Variants in PDE3B observed in about 807,000 individuals in gnomAD.
PDE3B encodes the protein phosphodiesterase 3B, also known as cGMP-inhibited 3',5'-cyclic phosphodiesterase 3B.
A neutral mutation model predicts 116.8 loss-of-function variants in PDE3B; 66 were observed. The observed-to-expected ratio is 0.56, with a 90% confidence interval of 0.46 to 0.69. The LOEUF (loss-of-function observed/expected upper bound fraction) is 0.69, where lower values mean the gene tolerates loss of function less well. Among genes scored for constraint, PDE3B ranks in the 30% least tolerant of loss-of-function variants. PDE3B has a pLI of 0.00. For synonymous variants in PDE3B, 595 were observed against 533.6 expected, an observed-to-expected ratio of 1.12 and a Z score of -1.59; for missense variants, 1,384 against 1,368.1, an observed-to-expected ratio of 1.01 and a Z score of -0.18.
chr11:14,644,166 TA>T lies in PDE3B; in HGVS notation c.92del (p.Tyr31SerfsTer2). The T allele has an allele frequency of 6.3e-7, 1 of 1,595,158 alleles. No homozygotes were observed. The highest frequency in any genetic ancestry group is 8.5e-7 in the Non-Finnish European group (1 of 1,177,554). On this transcript the variant is annotated frameshift_variant, in exon 1 of 16. Coordinates refer to ENST00000282096, the MANE Select transcript of PDE3B (RefSeq NM_000922.4). LOFTEE classifies it high-confidence loss of function. Reference sequence around the variant, plus strand: ...GCCCCCCGAGAGTCTGAGGAACGGCTACGTGAAGAGCTGCGTGAGCCCCTTG... The same window carrying T: ...GCCCCCCGAGAGTCTGAGGAACGGCTCGTGAAGAGCTGCGTGAGCCCCTTG... Reference protein sequence around the residue: ...GSPPESLRNGYVKSCVSPLRQ... With the variant: ...GSPPESLRNGXVKSCVSPLRQ...
At chr11:14,669,582 T>G (rs1854302964) in intron 1 of PDE3B, among the ~76,000 whole-genome samples, 1 of 152,112 alleles carries the variant, frequency 6.6e-6, no homozygotes, top group Non-Finnish European at 1.5e-5. Flanking sequence ...GTCATTTACA[T>G]TAAGTATTCC....
chr11:14,645,360 A>G (rs1853370220), intron 1 of PDE3B, among the ~76,000 whole-genome samples: 1 of 152,140 alleles, frequency 6.6e-6, no homozygotes, highest in South Asian at 2.1e-4. Context: ...AATGAGGTGA[A>G]TCATTTGTGG....
At chr11:14,747,557 A>T (rs562545394) in intron 1 of PDE3B, among the ~76,000 whole-genome samples, 13 of 152,292 alleles carry the variant, frequency 8.5e-5, no homozygotes, top group African/African-American at 2.2e-4. Context: ...ACTCCAGGGG[A>T]TAGGGACAAA....
chr11:14,664,788 C>A (rs1218910356), intron 1 of PDE3B, among the ~76,000 whole-genome samples: 2 of 152,148 alleles, frequency 1.3e-5, no homozygotes, highest in African/African-American at 2.4e-5. Context: ...GCTTACCAAC[C>A]AAAAAGAGTC....
intron 1 of PDE3B, among the ~76,000 whole-genome samples, chr11:14,711,632 T>G (rs891584279): frequency 2.0e-5 from 3 of 152,064 alleles, no homozygotes; most frequent in Admixed American, 6.5e-5. Flanking sequence ...AACTCACTCA[T>G]TATTGCAAGG....
At chr11:14,778,699 C>A (rs576940664) in intron 2 of PDE3B, among the ~76,000 whole-genome samples, 4 of 152,310 alleles carry the variant, frequency 2.6e-5, no homozygotes, top group South Asian at 2.1e-4. Context: ...GTAGATAAAA[C>A]CACAAAGATG....
chr11:14,828,597 A>G (rs1225495140), intron 7 of PDE3B, among the ~76,000 whole-genome samples: 1 of 152,234 alleles, frequency 6.6e-6, no homozygotes, highest in Non-Finnish European at 1.5e-5. Flanking sequence ...ATGCAAGTCA[A>G]AACCACAATG....
chr11:14,707,703 C>T (rs1855574177), intron 1 of PDE3B, among the ~76,000 whole-genome samples: 1 of 151,978 alleles, frequency 6.6e-6, no homozygotes, highest in Non-Finnish European at 1.5e-5. Flanking sequence ...ACTACTCTTT[C>T]CCTCCCATTA....
chr11:14,879,427 C>A, the PDE3B span: 2 of 1,602,650 alleles, frequency 1.2e-6, no homozygotes, highest in African/African-American at 1.3e-5. Flanking sequence ...TTAAATCAAT[C>A]TCTTTCTGAA....
intron 1 of PDE3B, among the ~76,000 whole-genome samples, chr11:14,661,185 T>C (rs949897097): frequency 2.6e-5 from 4 of 152,208 alleles, no homozygotes; most frequent in Admixed American, 6.5e-5. Context: ...ACCCAAAGGA[T>C]TATAAATCAT....
rs995285976 is a variant in PDE3B at position 14,806,447 on chromosome 11, C to CA, written c.1522+2410dup. On this transcript the variant is annotated intron_variant, in intron 5 of 15. Coordinates refer to ENST00000282096, the MANE Select transcript of PDE3B (RefSeq NM_000922.4). ...TGGGTGACAGAGCAAGACTCTGTCTCAAAAAAAAAAAAATCATGCTACTAT... is the reference window on the plus strand; with the variant it reads ...TGGGTGACAGAGCAAGACTCTGTCTCAAAAAAAAAAAAAATCATGCTACTAT... Among the ~76,000 whole-genome samples the CA allele has an allele frequency of 5.2e-3, 678 of 130,764 alleles. 2 individuals are homozygous for CA. Among genetic ancestry groups the CA allele is most frequent in the Non-Finnish European group, 6.6e-3 (400 of 60,538 alleles). 85.8% of individuals were successfully genotyped at this position (130,764 alleles called of 152,430 possible).
chr11:14,811,891 C>T (rs976499462), intron 5 of PDE3B, among the ~76,000 whole-genome samples: 39 of 152,250 alleles, frequency 2.6e-4, no homozygotes, highest in African/African-American at 7.7e-4. Context: ...GTATTTTATT[C>T]TCTTTGAAGC....
intron 1 of PDE3B, among the ~76,000 whole-genome samples, chr11:14,704,593 C>T (rs910485684): frequency 6.6e-6 from 1 of 151,604 alleles, no homozygotes; most frequent in African/African-American, 2.4e-5. Context: ...GGACAATAGA[C>T]CCACACATAC....
intron 4 of PDE3B, among the ~76,000 whole-genome samples, chr11:14,802,338 A>G (rs1389451211): frequency 7.9e-5 from 12 of 152,194 alleles, no homozygotes; most frequent in Admixed American, 6.5e-5. Context: ...AAAGCGTAGT[A>G]TCTGGGCTGG....
intron 1 of PDE3B, among the ~76,000 whole-genome samples, chr11:14,757,754 G>T (rs1301047414): frequency 6.7e-6 from 1 of 150,156 alleles, no homozygotes; most frequent in Non-Finnish European, 1.5e-5. Flanking sequence ...TTTGTAGGGT[G>T]CCTGTTCACT....
At position 14,786,431 on chromosome 11, in the gene PDE3B, T is replaced by G. The variant is rs1299512581; in HGVS notation, c.1030-6T>G. 1 of 1,607,556 alleles carries G rather than the reference T, an allele frequency of 6.2e-7. No homozygotes were observed. Among genetic ancestry groups the G allele is most frequent in the Admixed American group, 1.7e-5 (1 of 59,476 alleles). Reference sequence around the variant, plus strand: ...TGAATGAAAATTTCACTTTTTTTCTTTCTAGAATTCTGGAGGTGGAAATGG... The same window carrying G: ...TGAATGAAAATTTCACTTTTTTTCTGTCTAGAATTCTGGAGGTGGAAATGG... On this transcript the variant is annotated splice_polypyrimidine_tract_variant and splice_region_variant and intron_variant, in intron 2 of 15. Coordinates refer to ENST00000282096, the MANE Select transcript of PDE3B (RefSeq NM_000922.4).
chr11:14,855,647 A>AAGAG (rs147471498), intron 12 of PDE3B, among the ~76,000 whole-genome samples: 1 of 149,998 alleles, frequency 6.7e-6, no homozygotes, highest in Non-Finnish European at 1.5e-5. Flanking sequence ...GTGTGTGAGC[A>AAGAG]AGAGAGAGAG....
At chr11:14,747,382 T>G (rs1005365488) in intron 1 of PDE3B, among the ~76,000 whole-genome samples, 2 of 152,170 alleles carry the variant, frequency 1.3e-5, no homozygotes, top group African/African-American at 4.8e-5. Flanking sequence ...CACTTTTGAC[T>G]AGACTTACAC....
rs1218368123 is a variant in PDE3B, at chr11:14,644,496, C to G, written c.421C>G (p.Arg141Gly). 9 of 1,611,872 alleles carry G rather than the reference C, an allele frequency of 5.6e-6. No individual in the cohort carries two copies. Among genetic ancestry groups the G allele is most frequent in the South Asian group, 1.1e-5 (1 of 90,856 alleles). ...CACCTGCTTCCTCACCCGGACCAAG[C>G]GGGGACCCGGCCCGGGCCGGAGCTG... Reference protein sequence around the residue: ...FLTCFLTRTKRGPGPGRSCGS... With the variant: ...FLTCFLTRTKGGPGPGRSCGS... The change falls in exon 1 of 16, where the codon CGG (arginine) becomes GGG (glycine). Residue 141 changes from arginine (R) to glycine (G), a missense_variant. By Grantham distance (125) the Arg-to-Gly change is moderately radical (BLOSUM62 -2). Coordinates refer to ENST00000282096, the MANE Select transcript of PDE3B (RefSeq NM_000922.4).
Sources: allele counts gnomAD v4.1 joint callset (sites outside exome capture counted in the v4.1 genomes callset), GRCh38; gene constraint gnomAD v4.1.1; transcripts MANE v1.5; gene names NCBI Gene and HGNC (gene_info 2026-07-23, HGNC 2026-07-21).